CFAP161: variants seen among roughly 807,000 people sequenced by gnomAD.
CFAP161 encodes the protein cilia- and flagella-associated protein 161.
CFAP161 carries 25 observed loss-of-function variants against 29.0 expected under a neutral mutation model. The observed-to-expected ratio is 0.86, with a 90% CI of 0.63 to 1.20. CFAP161 has a LOEUF of 1.20. Among genes scored for constraint, CFAP161 ranks in the 50% most tolerant of loss-of-function variants. The pLI, the probability that CFAP161 is intolerant of heterozygous loss-of-function variation, is 0.00. For synonymous variants in CFAP161, 116 were observed against 137.4 expected, an observed-to-expected ratio of 0.84 and a Z score of 1.09; for missense variants, 367 against 371.9, an observed-to-expected ratio of 0.99 and a Z score of 0.11.
At chr15:81,127,532 A>G (rs981135621) in intron 1 of CFAP161, 1 of 152,244 alleles carries the variant, frequency 6.6e-6, no homozygotes, top group African/African-American at 2.4e-5. Context: ...ATATCAGAAA[A>G]GGCAAAAAGT....
At chr15:81,141,065 C>G (rs1391343146) in intron 4 of CFAP161, among the ~76,000 whole-genome samples, 1 of 152,036 alleles carries the variant, frequency 6.6e-6, no homozygotes, top group Non-Finnish European at 1.5e-5. Flanking sequence ...TTTTTCAAGT[C>G]CTTCTGCCCC....
intron 5 of CFAP161, among the ~76,000 whole-genome samples, chr15:81,144,500 G>A (rs1448098507): frequency 6.6e-6 from 1 of 152,144 alleles, no homozygotes; most frequent in Non-Finnish European, 1.5e-5. Flanking sequence ...GGTGGCTGAG[G>A]CATGAGAATC....
intron 1 of CFAP161, among the ~76,000 whole-genome samples, chr15:81,122,657 A>AT (rs1894589650): frequency 6.6e-6 from 1 of 151,660 alleles, no homozygotes; most frequent in South Asian, 2.1e-4. Context: ...ATACCCAGCT[A>AT]TTTTTTGTAT....
At chr15:81,125,804 A>C (rs112180177) in intron 1 of CFAP161, among the ~76,000 whole-genome samples, 1 of 152,176 alleles carries the variant, frequency 6.6e-6, no homozygotes, top group African/African-American at 2.4e-5. Context: ...AAAATCATAT[A>C]GCTTTCATTT....
intron 1 of CFAP161, among the ~76,000 whole-genome samples, chr15:81,106,205 G>A (rs1296694025): frequency 2.6e-5 from 4 of 152,178 alleles, no homozygotes; most frequent in Non-Finnish European, 5.9e-5. Flanking sequence ...AATTCAAATA[G>A]AGTTAAAAGC....
intron 1 of CFAP161, among the ~76,000 whole-genome samples, chr15:81,106,818 G>A (rs1040214992): frequency 6.6e-6 from 1 of 152,096 alleles, no homozygotes; most frequent in Non-Finnish European, 1.5e-5. Context: ...GTAATCCCAG[G>A]ACTTTGGGAG....
At chr15:81,138,233 T>A (rs1894846274) in intron 4 of CFAP161, 98 bp downstream of exon 4, 1 of 984,592 alleles carries the variant, frequency 1.0e-6, no homozygotes, top group Admixed American at 1.9e-5. Context: ...AACTCCAGAG[T>A]CATGGGCTCC....
chr15:81,136,704 T>C lies in CFAP161; in HGVS notation c.348T>C (p.Val116=). The change falls in exon 3 of 7, where the codon GTT becomes GTC. Residue 116 remains valine, a synonymous_variant. Transcript: ENST00000286732. The part of the protein sequence containing the change: ...ELEVPCGLSA[V]QAKTPIGRNT... ...AGGTACCCTGTGGCCTGAGCGCAGT[T>C]CAAGCCAAGACCCCAATTGGCAGAA... The C allele has an allele frequency of 6.2e-7, 1 of 1,614,154 alleles. No homozygotes were observed. Among genetic ancestry groups the C allele is most frequent in the Non-Finnish European group, 8.5e-7 (1 of 1,180,026 alleles).
intron 1 of CFAP161, among the ~76,000 whole-genome samples, chr15:81,123,647 G>A (rs1226003950): frequency 6.6e-6 from 1 of 152,142 alleles, no homozygotes; most frequent in Non-Finnish European, 1.5e-5. Flanking sequence ...CCATTTTGAT[G>A]ACATTGATTC....
At chr15:81,119,326 C>G (rs1294946134) in intron 1 of CFAP161, among the ~76,000 whole-genome samples, 1 of 152,104 alleles carries the variant, frequency 6.6e-6, no homozygotes, top group Non-Finnish European at 1.5e-5. Flanking sequence ...AGAATCATGA[C>G]TGAGAGTGTC....
intron 1 of CFAP161, among the ~76,000 whole-genome samples, chr15:81,111,616 C>A (rs1337093500): frequency 6.6e-6 from 1 of 152,308 alleles, no homozygotes; most frequent in Non-Finnish European, 1.5e-5. Flanking sequence ...CAGAAGAAAA[C>A]CACCAACTCT....
chr15:81,134,315 G>GAAC lies in CFAP161; in HGVS notation c.-13_-11dup. The GAAC allele has an allele frequency of 6.3e-7, 1 of 1,579,406 alleles. No homozygotes were observed. Among genetic ancestry groups the GAAC allele is most frequent in the South Asian group, 1.2e-5 (1 of 85,860 alleles). ...GGTGTCGGAGGGAGGCCCACTTGCT[G>GAAC]AACAGCAGGGAGCGATGGCGCAGAA... On this transcript the variant is annotated 5_prime_UTR_variant, in exon 1 of 7. Coordinates refer to ENST00000286732, the MANE Select transcript of CFAP161 (RefSeq NM_173528.4).
At chr15:81,145,013 A>G (rs1894983520) in intron 5 of CFAP161, among the ~76,000 whole-genome samples, 1 of 152,138 alleles carries the variant, frequency 6.6e-6, no homozygotes, top group African/African-American at 2.4e-5. Context: ...CCCTATTTCA[A>G]GGACCAGAGG....
chr15:81,110,132 G>T (rs1894422535), intron 1 of CFAP161, among the ~76,000 whole-genome samples: 1 of 151,788 alleles, frequency 6.6e-6, no homozygotes. Context: ...AGTTTGTTTT[G>T]GTGCAAAATT....
upstream of CFAP161, among the ~76,000 whole-genome samples, chr15:81,132,808 C>T (rs1042115744): frequency 1.3e-5 from 2 of 152,028 alleles, no homozygotes; most frequent in African/African-American, 2.4e-5. Flanking sequence ...ACTTTGGAGT[C>T]GGAAAGTTTG....
At position 81,105,161 on chromosome 15, in the gene CFAP161, CT is replaced by C. The variant is rs1230954544; in HGVS notation, c.-141-22427del. 1.9e-4 allele frequency among the ~76,000 whole-genome samples: 7 copies of C among 37,442 alleles called. 2 individuals are homozygous for C. Among genetic ancestry groups the C allele is most frequent in the African/African-American group, 6.2e-4 (6 of 9,716 alleles). The allele number at this position is 37,442 out of a possible 152,430, so 24.6% of individuals were successfully genotyped here. Reference sequence around the variant, plus strand: ...CTCCCCTCCCTCCCTCCCTCCCTCCCTTCCTTCCTCCCTCCCTTCCTTTTTT... The same window carrying C: ...CTCCCCTCCCTCCCTCCCTCCCTCCCTCCTTCCTCCCTCCCTTCCTTTTTT... On this transcript the variant is annotated intron_variant, in intron 1 of 4. Transcript: ENST00000560091.
intron 2 of CFAP161, among the ~76,000 whole-genome samples, chr15:81,135,615 T>G (rs905081968): frequency 5.3e-5 from 8 of 149,732 alleles, no homozygotes; most frequent in African/African-American, 2.0e-4. Context: ...GAATATGCGG[T>G]GTTTGGTTTT....
chr15:81,127,926 A>G (rs1894661298), intron 2 of CFAP161, among the ~76,000 whole-genome samples: 1 of 152,254 alleles, frequency 6.6e-6, no homozygotes, highest in Non-Finnish European at 1.5e-5. Context: ...TCAGGGAGGT[A>G]AAGAAAAGAT....
At position 81,147,846 on chromosome 15, in the gene CFAP161, T is replaced by A; in HGVS notation, c.637-12T>A. 2 of 1,582,762 alleles carry A rather than the reference T, an allele frequency of 1.3e-6. No individual in the cohort carries two copies. Among genetic ancestry groups the A allele is most frequent in the Non-Finnish European group, 1.7e-6 (2 of 1,167,760 alleles). Reference sequence around the variant, plus strand: ...TTAGAATGCTAATAACACATTTTCTTTATCTGTTAAGGCAAATGCTAAAAT... The same window carrying A: ...TTAGAATGCTAATAACACATTTTCTATATCTGTTAAGGCAAATGCTAAAAT... On this transcript the variant is annotated splice_polypyrimidine_tract_variant and intron_variant, in intron 5 of 6. Coordinates refer to ENST00000286732, the MANE Select transcript of CFAP161 (RefSeq NM_173528.4).
Sources: gnomAD v4.1 joint callset for allele counts (sites outside exome capture counted in the v4.1 genomes callset) on GRCh38, gnomAD v4.1.1 for gene constraint, MANE v1.5 for transcripts, NCBI Gene and HGNC (gene_info 2026-07-23, HGNC 2026-07-21) for gene names.